The following KCNAB1 variants were observed in gnomAD, a reference collection of about 807,000 sequenced individuals.
KCNAB1 encodes potassium voltage-gated channel subfamily A regulatory beta subunit 1, also known as voltage-gated potassium channel subunit beta-1.
A neutral mutation model predicts 64.6 loss-of-function variants in KCNAB1; 35 were observed. The observed-to-expected ratio is 0.54, with a 90% CI of 0.41 to 0.72. The LOEUF (loss-of-function observed/expected upper bound fraction) is 0.72, where lower values mean the gene tolerates loss of function less well. KCNAB1 is among the 30% of genes least tolerant of loss of function. The probability of loss-of-function intolerance (pLI) is 0.00; values close to 1 mark genes in which losing one functional copy is unlikely to be tolerated. For missense variants in KCNAB1, 401 were observed against 512.9 expected (o/e 0.78, Z 2.11); for synonymous variants, 177 against 183.8 (o/e 0.96, Z 0.30).
chr3:156,439,434 T>C (rs1461309516), intron 2 of KCNAB1, among the ~76,000 whole-genome samples: 1 of 152,198 alleles, frequency 6.6e-6, no homozygotes, highest in Non-Finnish European at 1.5e-5. Flanking sequence ...GCCTGGGAGA[T>C]AGTTAATCTG....
intron 1 of KCNAB1, among the ~76,000 whole-genome samples, chr3:156,387,679 T>A (rs1305058057): frequency 1.3e-5 from 2 of 152,148 alleles, no homozygotes; most frequent in Non-Finnish European, 2.9e-5. Flanking sequence ...AAATATAGAT[T>A]TTTCATTGTT....
At chr3:156,315,517 G>A (rs1265488416) in intron 1 of KCNAB1, among the ~76,000 whole-genome samples, 5 of 152,142 alleles carry the variant, frequency 3.3e-5, no homozygotes, top group South Asian at 4.1e-4. Flanking sequence ...AAGGACCTGT[G>A]TCCTGGAATA....
intron 1 of KCNAB1, among the ~76,000 whole-genome samples, chr3:156,233,933 A>T (rs1312449472): frequency 6.6e-6 from 1 of 151,892 alleles, no homozygotes; most frequent in Non-Finnish European, 1.5e-5. Flanking sequence ...TTGGACTTGT[A>T]AAAGTGGAAA....
intron 1 of KCNAB1, among the ~76,000 whole-genome samples, chr3:156,384,017 G>A (rs1036056278): frequency 1.3e-5 from 2 of 152,190 alleles, no homozygotes; most frequent in East Asian, 3.8e-4. Flanking sequence ...TTGTTTTCAG[G>A]GTGGGTGAGC....
chr3:156,425,863 T>TA (rs1477916932), intron 2 of KCNAB1, among the ~76,000 whole-genome samples: 1 of 151,994 alleles, frequency 6.6e-6, no homozygotes, highest in East Asian at 1.9e-4. Flanking sequence ...GGATTTGGGA[T>TA]AGCTTGATGG....
intron 1 of KCNAB1, among the ~76,000 whole-genome samples, chr3:156,409,403 A>C (rs1232033064): frequency 6.6e-6 from 1 of 152,260 alleles, no homozygotes; most frequent in Non-Finnish European, 1.5e-5. Context: ...CCTGAAGTCA[A>C]TTAAAAAACT....
At chr3:156,212,771 G>A (rs1301446323) in intron 1 of KCNAB1, among the ~76,000 whole-genome samples, 1 of 152,180 alleles carries the variant, frequency 6.6e-6, no homozygotes, top group Non-Finnish European at 1.5e-5. Flanking sequence ...GGGATGGGAG[G>A]AGCTTGAGGA....
At chr3:156,480,452 G>A (rs977713825) in intron 8 of KCNAB1, among the ~76,000 whole-genome samples, 6 of 151,834 alleles carry the variant, frequency 4.0e-5, no homozygotes, top group African/African-American at 7.2e-5. Flanking sequence ...CCTAGATGAC[G>A]GGTTGATGGG....
intron 1 of KCNAB1, chr3:156,292,071 C>G: frequency 6.2e-7 from 1 of 1,614,140 alleles, no homozygotes; most frequent in Non-Finnish European, 8.5e-7. Context: ...ACGTTCACGC[C>G]TCAGCATCAC....
intron 1 of KCNAB1, among the ~76,000 whole-genome samples, chr3:156,245,766 G>T (rs1205492843): frequency 6.6e-6 from 1 of 152,158 alleles, no homozygotes; most frequent in Non-Finnish European, 1.5e-5. Flanking sequence ...GGACTGTAGG[G>T]TCAGCTAACA....
chr3:156,189,430 G>A (rs556318670), intron 1 of KCNAB1, among the ~76,000 whole-genome samples: 47 of 152,336 alleles, frequency 3.1e-4, no homozygotes, highest in African/African-American at 1.1e-3. Flanking sequence ...GAGGAGCTCC[G>A]TGTTCCCACA....
intron 8 of KCNAB1, 30 bp from the exon 9 acceptor site, chr3:156,514,334 A>G (rs767334404): frequency 3.3e-5 from 51 of 1,568,192 alleles, no homozygotes; most frequent in Non-Finnish European, 4.3e-5. Flanking sequence ...AGACAAATTC[A>G]TGAAATGCTG....
At chr3:156,317,311 A>G (rs989761058) in intron 1 of KCNAB1, among the ~76,000 whole-genome samples, 100 of 152,324 alleles carry the variant, frequency 6.6e-4, no homozygotes, top group African/African-American at 2.4e-3. Context: ...AGATTATGTC[A>G]GGGTTTCCAT....
intron 1 of KCNAB1, among the ~76,000 whole-genome samples, chr3:156,331,540 G>T (rs867387509): frequency 4.6e-5 from 7 of 151,748 alleles, no homozygotes; most frequent in Admixed American, 2.6e-4. Flanking sequence ...TTGACATATA[G>T]ACACATACAT....
At position 156,249,712 on chromosome 3, in the gene KCNAB1, C is replaced by G. The variant is rs200496545; in HGVS notation, c.275+128826C>G. On this transcript the variant is annotated intron_variant, in intron 1 of 13. Coordinates refer to ENST00000490337, the MANE Select transcript of KCNAB1 (RefSeq NM_172160.3). ...CTTAGAATAAAATCCAGTCTCCTTT[C>G]CATGCTCTATAAGACCTTATACAAT... 1.1e-4 allele frequency among the ~76,000 whole-genome samples: 17 copies of G among 152,312 alleles called. No homozygotes were observed. In the East Asian group the frequency reaches 2.3e-3, roughly 21 times the overall value.
chr3:156,363,507 G>T lies in KCNAB1; in HGVS notation c.276-58109G>T, dbSNP rs186993225. ...TTTTTTTTTTTTGAGACAGCGTCTT[G>T]CTCTGTTGCCCAGGCTGGGGTGCAA... is the stretch of plus-strand genomic sequence containing the variant. On this transcript the variant is annotated intron_variant, in intron 1 of 13. Coordinates refer to ENST00000490337, the MANE Select transcript of KCNAB1 (RefSeq NM_172160.3). 4.5e-4 allele frequency among the ~76,000 whole-genome samples: 68 copies of T among 150,278 alleles called. No homozygotes were observed. The East Asian group carries it at 0.013, about 29-fold the overall frequency.
chr3:156,142,847 C>T (rs1409552646), intron 1 of KCNAB1: 1 of 296,478 alleles, frequency 3.4e-6, no homozygotes. Context: ...AATAGAAAGA[C>T]ATGGGAAAAA....
chr3:156,145,433 T>G (rs1361589441), intron 1 of KCNAB1, among the ~76,000 whole-genome samples: 1 of 152,132 alleles, frequency 6.6e-6, no homozygotes, highest in Non-Finnish European at 1.5e-5. Flanking sequence ...TTGGAAAGGA[T>G]TTTTAGGAAA....
chr3:156,132,717 T>C (rs1412085351), intron 1 of KCNAB1, among the ~76,000 whole-genome samples: 1 of 152,246 alleles, frequency 6.6e-6, no homozygotes, highest in African/African-American at 2.4e-5. Flanking sequence ...GGGGAGCTTC[T>C]ACAACATTGT....
Sources: gnomAD v4.1 joint callset for allele counts (sites outside exome capture counted in the v4.1 genomes callset) on GRCh38, gnomAD v4.1.1 for gene constraint, MANE v1.5 for transcripts, NCBI Gene and HGNC (gene_info 2026-07-23, HGNC 2026-07-21) for gene names.